Variants in GRIA2 observed in about 807,000 individuals in gnomAD.
GRIA2 encodes glutamate ionotropic receptor AMPA type subunit 2, also known as glutamate receptor 2.
Under a neutral mutation model 97.3 loss-of-function variants are expected in GRIA2, and 14 were observed. That is an observed-to-expected ratio of 0.14 (90% CI 0.10 to 0.23). The LOEUF (loss-of-function observed/expected upper bound fraction) is 0.23. Among genes scored for constraint, GRIA2 ranks in the 10% least tolerant of loss-of-function variants. The pLI, the probability that GRIA2 is intolerant of heterozygous loss-of-function variation, is 1.00. For missense variants in GRIA2, 558 were observed against 1,069.8 expected (o/e 0.52, Z 6.67); for synonymous variants, 412 against 387.8 (o/e 1.06, Z -0.73).
intron 2 of GRIA2, among the ~76,000 whole-genome samples, chr4:157,226,719 A>T (rs986376106): frequency 1.3e-5 from 2 of 152,072 alleles, no homozygotes; most frequent in Non-Finnish European, 2.9e-5. Flanking sequence ...TGGCTACGCG[A>T]TCCTGTTTTG....
At chr4:157,276,865 A>G (rs1274264350) in intron 2 of GRIA2, among the ~76,000 whole-genome samples, 2 of 151,980 alleles carry the variant, frequency 1.3e-5, no homozygotes, top group African/African-American at 4.8e-5. Flanking sequence ...TCACAAATAA[A>G]GAAATAGACA....
chr4:157,285,472 T>G (rs2126823117), intron 2 of GRIA2, among the ~76,000 whole-genome samples: 1 of 151,750 alleles, frequency 6.6e-6, no homozygotes, highest in East Asian at 1.9e-4. Flanking sequence ...TTCCTATATT[T>G]AATTTACAAT....
intron 12 of GRIA2, among the ~76,000 whole-genome samples, chr4:157,344,619 C>A (rs1735695020): frequency 6.6e-6 from 1 of 152,070 alleles, no homozygotes; most frequent in African/African-American, 2.4e-5. Context: ...CATTTATCTT[C>A]ATGTTTTGTA....
At chr4:157,276,053 G>T (rs1732295233) in intron 2 of GRIA2, among the ~76,000 whole-genome samples, 2 of 152,194 alleles carry the variant, frequency 1.3e-5, no homozygotes, top group South Asian at 4.1e-4. Context: ...GCAGTGGTTT[G>T]TAGTTCTCCT....
At chr4:157,272,679 G>A (rs900044095) in intron 2 of GRIA2, among the ~76,000 whole-genome samples, 4 of 152,046 alleles carry the variant, frequency 2.6e-5, no homozygotes, top group African/African-American at 9.7e-5. Context: ...ATACGCCAGA[G>A]CATTCTGTTC....
At chr4:157,359,777 G>T in intron 12 of GRIA2, 119 bp from the exon 13 acceptor site, 1 of 823,346 alleles carries the variant, frequency 1.2e-6, no homozygotes, top group Non-Finnish European at 1.9e-6. Flanking sequence ...TGAAAGATGA[G>T]ATTTGTTCAT....
intron 11 of GRIA2, 37 bp from the exon 12 acceptor site, chr4:157,341,227 A>C (rs1441435889): frequency 1.4e-6 from 2 of 1,392,610 alleles, no homozygotes; most frequent in Non-Finnish European, 2.0e-6. Context: ...TAGGTCATTC[A>C]TTTCACTTTA....
intron 2 of GRIA2, among the ~76,000 whole-genome samples, chr4:157,235,500 A>G (rs934458449): frequency 6.6e-6 from 1 of 152,082 alleles, no homozygotes; most frequent in African/African-American, 2.4e-5. Context: ...ATTTTAAATT[A>G]TCTTAAAAGC....
In GRIA2 at chr4:157,360,147, G is replaced by C. The variant is rs1736571216; in HGVS notation, c.2291+4G>C. Reference sequence around the variant, plus strand: ...CACCTAAAGGATCCTCATTAAGGTGGGTGGAATAGTATAACAATATGCTAA... The same window carrying C: ...CACCTAAAGGATCCTCATTAAGGTGCGTGGAATAGTATAACAATATGCTAA... On this transcript the variant is annotated splice_donor_region_variant and intron_variant, in intron 13 of 15. Transcript: ENST00000264426. 6.2e-7 allele frequency: 1 copy of C among 1,612,970 alleles called. No homozygotes were observed. Among genetic ancestry groups the C allele is most frequent in the Non-Finnish European group, 8.5e-7 (1 of 1,179,320 alleles).
intron 2 of GRIA2, among the ~76,000 whole-genome samples, chr4:157,244,626 G>T (rs1380411058): frequency 6.6e-6 from 1 of 152,014 alleles, no homozygotes; most frequent in Admixed American, 6.6e-5. Flanking sequence ...AAGGTTTGTT[G>T]TGTTGTGGAT....
Position 157,334,103 on chromosome 4 carries a change from G to T in GRIA2, c.1249G>T (p.Val417Phe). ...CTCTGGGCTTGAGAATAAGACTGTT[G>T]TTGTCACCACAATTTTGGTAATTTG... is the stretch of plus-strand genomic sequence containing the variant. Reference protein sequence around the residue: ...DTSGLENKTVVVTTILESPYV... With the variant: ...DTSGLENKTVFVTTILESPYV... The change falls in exon 9 of 16, where the codon GTT becomes TTT. Residue 417 changes from valine to phenylalanine, a missense_variant. This residue lies in a region of GRIA2 where 66 missense variants were observed against 118.7 expected (regional missense o/e 0.56). Transcript: ENST00000264426. The T allele has an allele frequency of 6.3e-7, 1 of 1,591,082 alleles. No individual in the cohort carries two copies. Among genetic ancestry groups the T allele is most frequent in the Non-Finnish European group, 8.6e-7 (1 of 1,159,680 alleles).
intron 2 of GRIA2, among the ~76,000 whole-genome samples, chr4:157,256,611 A>G (rs759407721): frequency 1.3e-5 from 2 of 151,930 alleles, no homozygotes; most frequent in African/African-American, 2.4e-5. Flanking sequence ...CTGGAACACA[A>G]ATGCCAACTC....
intron 12 of GRIA2, among the ~76,000 whole-genome samples, chr4:157,344,056 T>C (rs1361551971): frequency 6.6e-6 from 1 of 152,112 alleles, no homozygotes; most frequent in Non-Finnish European, 1.5e-5. Flanking sequence ...ACTGAATTAG[T>C]ATAGGGAAAT....
At chr4:157,265,566 T>A (rs746273261) in intron 2 of GRIA2, among the ~76,000 whole-genome samples, 107 of 152,220 alleles carry the variant, frequency 7.0e-4, no homozygotes, top group Admixed American at 1.5e-3. Context: ...GGCCAGGGGC[T>A]TAGGTAAGGT....
chr4:157,267,989 A>G (rs1459769428), intron 2 of GRIA2, among the ~76,000 whole-genome samples: 2 of 152,148 alleles, frequency 1.3e-5, no homozygotes, highest in Non-Finnish European at 2.9e-5. Flanking sequence ...TTATAATGCT[A>G]TAATTAGAGG....
intron 2 of GRIA2, among the ~76,000 whole-genome samples, chr4:157,228,653 C>T (rs1411833027): frequency 2.0e-5 from 3 of 151,822 alleles, no homozygotes; most frequent in Non-Finnish European, 2.9e-5. Flanking sequence ...AGTAGCCAGG[C>T]GTGGTGGCAC....
intron 2 of GRIA2, among the ~76,000 whole-genome samples, chr4:157,231,550 T>C (rs1730019709): frequency 6.6e-6 from 1 of 152,122 alleles, no homozygotes; most frequent in Admixed American, 6.5e-5. Flanking sequence ...AAAAAAGCCA[T>C]CCTTGAAAAT....
At chr4:157,309,065 A>G (rs2126878345) in intron 3 of GRIA2, among the ~76,000 whole-genome samples, 1 of 152,292 alleles carries the variant, frequency 6.6e-6, no homozygotes, top group East Asian at 1.9e-4. Context: ...GTCTCTTCAA[A>G]TTACACGTCA....
chr4:157,358,596 A>C (rs976891851), intron 12 of GRIA2, among the ~76,000 whole-genome samples: 2 of 152,186 alleles, frequency 1.3e-5, no homozygotes, highest in African/African-American at 4.8e-5. Flanking sequence ...TTCTGCCTGC[A>C]TAGACCACTG....
Sources: allele counts gnomAD v4.1 joint callset (sites outside exome capture counted in the v4.1 genomes callset), GRCh38; gene constraint gnomAD v4.1.1; regional missense constraint gnomAD v4.1.1; transcripts MANE v1.5; gene names NCBI Gene and HGNC (gene_info 2026-07-23, HGNC 2026-07-21).